CELF2: variants seen among roughly 807,000 people sequenced by gnomAD.
CELF2 encodes the protein CUGBP Elav-like family member 2, also known as CUG triplet repeat RNA-binding protein 2.
A neutral mutation model predicts 62.6 loss-of-function variants in CELF2; 8 were observed. That is an observed-to-expected ratio of 0.13 (90% CI 0.07 to 0.23). The LOEUF (loss-of-function observed/expected upper bound fraction) is 0.23. CELF2 is among the 10% of genes least tolerant of loss of function. The pLI is 1.00. For synonymous variants in CELF2, 258 were observed against 250.0 expected, an observed-to-expected ratio of 1.03 and a Z score of -0.30; for missense variants, 333 against 671.0, an observed-to-expected ratio of 0.50 and a Z score of 5.56.
intron 1 of CELF2, among the ~76,000 whole-genome samples, chr10:11,056,312 T>A (rs1006795361): frequency 6.6e-5 from 10 of 152,182 alleles, no homozygotes; most frequent in African/African-American, 1.2e-4. Context: ...AGGAAATGAG[T>A]GGTTCGATGT....
the CELF2 span, among the ~76,000 whole-genome samples, chr10:10,472,472 A>G: frequency 6.6e-6 from 1 of 151,848 alleles, no homozygotes; most frequent in Non-Finnish European, 1.5e-5. Flanking sequence ...TACTGATTAC[A>G]TATTACTTTT....
chr10:11,278,506 T>C (rs1258025540), intron 8 of CELF2, among the ~76,000 whole-genome samples: 1 of 152,236 alleles, frequency 6.6e-6, no homozygotes, highest in Non-Finnish European at 1.5e-5. Context: ...CTGGGATTTT[T>C]CTTGAAAGAG....
At chr10:10,735,210 C>A in the CELF2 span, among the ~76,000 whole-genome samples, 2 of 152,026 alleles carry the variant, frequency 1.3e-5, no homozygotes, top group African/African-American at 4.8e-5. Flanking sequence ...TCCTTGGGTA[C>A]CTTGTTTCAA....
At position 11,191,116 on chromosome 10, in the gene CELF2, T is replaced by A. The variant is rs925664700; in HGVS notation, c.271+25434T>A. ...GGGCAAGCTGCTGGTCCTCTCTGAA[T>A]CTGTTTTCTTGTCTGTAAATGGGGC... On this transcript the variant is annotated intron_variant, in intron 2 of 12. Coordinates refer to ENST00000633077, the MANE Select transcript of CELF2 (RefSeq NM_001326342.2). This position sits in a 1 kb window ranked among gnomAD's most constrained non-coding sequence, Gnocchi z 4.1. 1.5e-4 allele frequency among the ~76,000 whole-genome samples: 23 copies of A among 152,200 alleles called. No homozygotes were observed. The highest frequency in any genetic ancestry group is 5.3e-4 in the African/African-American group (22 of 41,438).
the CELF2 span, among the ~76,000 whole-genome samples, chr10:10,781,634 C>CA: frequency 4.0e-4 from 61 of 152,328 alleles, no homozygotes; most frequent in Middle Eastern, 0.01. Flanking sequence ...CCTCCCATGA[C>CA]ACATGGGGAT....
At chr10:10,866,559 C>T (rs1017449942) in intron 1 of CELF2, among the ~76,000 whole-genome samples, 1 of 140,812 alleles carries the variant, frequency 7.1e-6, no homozygotes, top group African/African-American at 2.7e-5. Flanking sequence ...GAGCCGAAAT[C>T]GTGCCACTGC....
intron 2 of CELF2, among the ~76,000 whole-genome samples, chr10:10,968,668 G>A (rs918735949): frequency 2.6e-5 from 4 of 151,858 alleles, no homozygotes; most frequent in African/African-American, 9.7e-5. Context: ...GTTCTTATGG[G>A]CTTAAAATAA....
At chr10:10,913,773 A>C (rs1472347235) in intron 1 of CELF2, among the ~76,000 whole-genome samples, 2 of 151,202 alleles carry the variant, frequency 1.3e-5, no homozygotes, top group Non-Finnish European at 2.9e-5. Context: ...AGTTTGCCTC[A>C]AGCTAGTTGA....
chr10:10,885,242 CA>C (rs555711245), intron 1 of CELF2, among the ~76,000 whole-genome samples: 6 of 131,946 alleles, frequency 4.5e-5, no homozygotes, highest in Non-Finnish European at 6.6e-5. Context: ...GACACTGTCT[CA>C]AAAAAAAAAC....
At chr10:11,276,677 G>A (rs1034647441) in intron 8 of CELF2, among the ~76,000 whole-genome samples, 3 of 152,206 alleles carry the variant, frequency 2.0e-5, no homozygotes, top group Admixed American at 6.5e-5. Flanking sequence ...TTCCTTAGAG[G>A]TGGCCTCAGG....
intron 1 of CELF2, among the ~76,000 whole-genome samples, chr10:11,111,766 G>A (rs1314307027): frequency 6.6e-6 from 1 of 152,200 alleles, no homozygotes; most frequent in South Asian, 2.1e-4. Flanking sequence ...CGTTGGATAC[G>A]CCGAAACTCA....
Position 11,314,421 on chromosome 10 carries a change from C to T in CELF2, c.1096+163C>T, listed in dbSNP as rs1385890567. 1.2e-6 allele frequency: 1 copy of T among 858,458 alleles called. No individual in the cohort carries two copies. Among genetic ancestry groups the T allele is most frequent in the Non-Finnish European group, 1.9e-6 (1 of 527,144 alleles). The allele number at this position is 858,458 out of a possible 1,614,324, so 53.2% of individuals were successfully genotyped here. ...CTTTGATAGGCAAAAGCTGTCTACA[C>T]TCGTTTTGCCTCAGAAAATCCCCAA... is the stretch of plus-strand genomic sequence containing the variant. On this transcript the variant is annotated intron_variant, in intron 10 of 12. Coordinates refer to ENST00000633077, the MANE Select transcript of CELF2 (RefSeq NM_001326342.2). This position sits in a 1 kb window ranked among gnomAD's most constrained non-coding sequence, Gnocchi z 5.3.
upstream of CELF2, among the ~76,000 whole-genome samples, chr10:11,015,736 T>A (rs949643129): frequency 6.6e-6 from 1 of 152,230 alleles, no homozygotes; most frequent in Admixed American, 6.5e-5. This position sits in a 1 kb window ranked among gnomAD's most constrained non-coding sequence, Gnocchi z 4.8. Flanking sequence ...CCTCATAGTA[T>A]GATTAAAAGC....
At position 11,290,213 on chromosome 10, in the gene CELF2, C is replaced by T. The variant is rs2092293042; in HGVS notation, c.976+1661C>T. Among the ~76,000 whole-genome samples the T allele has an allele frequency of 6.6e-6, 1 of 152,138 alleles. No individual in the cohort carries two copies. Among genetic ancestry groups the T allele is most frequent in the Non-Finnish European group, 1.5e-5 (1 of 68,018 alleles). ...GTCCTTCAGGGACTTGGACAAGAAG[C>T]AAAGCAATGAGTGTCAGATCTGTGA... On this transcript the variant is annotated intron_variant, in intron 9 of 12. Transcript: ENST00000633077. The surrounding 1 kb of genome is among the most constrained non-coding windows in gnomAD (Gnocchi z 4.3).
chr10:10,766,270 C>T, the CELF2 span, among the ~76,000 whole-genome samples: 3 of 152,132 alleles, frequency 2.0e-5, no homozygotes, highest in Admixed American at 2.0e-4. Context: ...TTAGCTGAGT[C>T]CTTCACAGAC....
At chr10:10,812,140 A>G (rs996488863) in intron 1 of CELF2, among the ~76,000 whole-genome samples, 2 of 152,166 alleles carry the variant, frequency 1.3e-5, no homozygotes, top group African/African-American at 4.8e-5. Context: ...GTTATAAAGA[A>G]AAATAGGTTT....
At position 11,270,071 on chromosome 10, in the gene CELF2, C is replaced by T. The variant is rs895632447; in HGVS notation, c.619-595C>T. Among the ~76,000 whole-genome samples, 9 of 152,168 alleles carry T rather than the reference C, an allele frequency of 5.9e-5. No homozygotes were observed. Among genetic ancestry groups the T allele is most frequent in the African/African-American group, 9.7e-5 (4 of 41,418 alleles). On this transcript the variant is annotated intron_variant, in intron 6 of 12. Transcript: ENST00000633077. The surrounding 1 kb of genome is among the most constrained non-coding windows in gnomAD (Gnocchi z 5.8). ...CGTGAACGGTTACTTTGGAGAATGCCTGTGTTCTCTGAATATCTTCTGCCC... is the reference window on the plus strand; with the variant it reads ...CGTGAACGGTTACTTTGGAGAATGCTTGTGTTCTCTGAATATCTTCTGCCC...
chr10:10,692,007 GT>G, the CELF2 span, among the ~76,000 whole-genome samples: 1 of 151,746 alleles, frequency 6.6e-6, no homozygotes, highest in African/African-American at 2.4e-5. Context: ...AAGCTCTTTA[GT>G]TTAATGAGAT....
At chr10:11,199,457 G>A (rs2058727841) in intron 2 of CELF2, among the ~76,000 whole-genome samples, 1 of 152,190 alleles carries the variant, frequency 6.6e-6, no homozygotes, top group South Asian at 2.1e-4. Flanking sequence ...CCTGCGAGCA[G>A]AGAAGGCCCG....
Sources: allele counts gnomAD v4.1 joint callset (sites outside exome capture counted in the v4.1 genomes callset), GRCh38; gene constraint gnomAD v4.1.1; non-coding constraint Gnocchi (gnomAD v3.1); transcripts MANE v1.5; gene names NCBI Gene and HGNC (gene_info 2026-07-23, HGNC 2026-07-21).